The following PHKA1 variants were observed in gnomAD, a reference collection of about 807,000 sequenced individuals.
PHKA1 encodes the protein phosphorylase kinase regulatory subunit alpha 1.
Under a neutral mutation model 110.2 loss-of-function variants are expected in PHKA1, and 60 were observed. The ratio of observed to expected loss-of-function variants is 0.54; its 90% CI spans 0.44 to 0.68. The LOEUF (loss-of-function observed/expected upper bound fraction) is 0.68, where lower values mean the gene tolerates loss of function less well. PHKA1 is among the 30% of genes least tolerant of loss of function. The pLI, the probability that PHKA1 is intolerant of heterozygous loss-of-function variation, is 0.00. For missense variants in PHKA1, 801 were observed against 942.5 expected (o/e 0.85, Z 1.97); for synonymous variants, 316 against 333.6 (o/e 0.95, Z 0.58).
chrX:72,697,813 T>G (rs1261129419), intron 3 of PHKA1, among the ~76,000 whole-genome samples: 1 of 108,563 alleles, frequency 9.2e-6, no homozygotes, highest in African/African-American at 3.4e-5. Flanking sequence ...TGAAACCCTG[T>G]CTCTACTAAA....
chrX:72,636,465 T>G lies in PHKA1; in HGVS notation c.1460-79A>C, dbSNP rs1052757804. The G allele has an allele frequency of 7.2e-5, 39 of 538,961 alleles. No individual in the cohort carries two copies. The South Asian group carries it at 9.3e-4, about 13-fold the overall frequency. The allele number at this position is 538,961 out of a possible 1,213,427, so 44.4% of individuals were successfully genotyped here. ...GCAAACATTTTTACATATATATATA[T>G]ACACACACATACACAATGTATGTAT... On this transcript the variant is annotated intron_variant, in intron 14 of 31. Coordinates refer to ENST00000373542, the MANE Select transcript of PHKA1 (RefSeq NM_002637.4).
chrX:72,602,091 GTC>G (rs2052664921), intron 27 of PHKA1, 62 bp from the exon 28 acceptor site: 1 of 1,095,934 alleles, frequency 9.1e-7, no homozygotes, highest in Non-Finnish European at 1.3e-6. Flanking sequence ...ACCCAACAAA[GTC>G]TGATTCCAAA....
intron 13 of PHKA1, among the ~76,000 whole-genome samples, chrX:72,645,097 C>T (rs2053345235): frequency 9.0e-6 from 1 of 111,720 alleles, no homozygotes; most frequent in African/African-American, 3.3e-5. Flanking sequence ...GCCTGGACAG[C>T]TCTCTTTTCT....
intron 4 of PHKA1, among the ~76,000 whole-genome samples, chrX:72,694,738 C>G (rs2054086215): frequency 8.9e-6 from 1 of 111,743 alleles, no homozygotes; most frequent in South Asian, 3.7e-4. Flanking sequence ...CTATAAGCCT[C>G]TTTGATACAT....
At chrX:72,612,177 C>T (rs782517610) in intron 21 of PHKA1, among the ~76,000 whole-genome samples, 8 of 111,784 alleles carry the variant, frequency 7.2e-5, no homozygotes, top group African/African-American at 2.6e-4. Flanking sequence ...TGTTACAACA[C>T]GGATGAATCT....
In PHKA1 at chrX:72,695,923, C is replaced by T. The variant is rs78955646; in HGVS notation, c.286-47G>A. On this transcript the variant is annotated intron_variant, in intron 3 of 31. Transcript: ENST00000373542. Reference sequence around the variant, plus strand: ...AAAGAAGGATATACTGAAAAATCAACCCATATGCCACACTTCTGTAATACT... The same window carrying T: ...AAAGAAGGATATACTGAAAAATCAATCCATATGCCACACTTCTGTAATACT... The T allele has an allele frequency of 4.4e-3, 4,502 of 1,016,533 alleles. 13 individuals carry two copies. The highest frequency in any genetic ancestry group is 5.6e-3 in the Non-Finnish European group (4,037 of 718,879). 83.8% of individuals were successfully genotyped at this position (1,016,533 alleles called of 1,213,427 possible).
At chrX:72,678,581 G>A (rs1001641982) in intron 5 of PHKA1, among the ~76,000 whole-genome samples, 10 of 111,600 alleles carry the variant, frequency 9.0e-5, no homozygotes, top group Admixed American at 6.6e-4. Context: ...CCTAACTTCC[G>A]CACTGAACCA....
chrX:72,662,275 T>G (rs2053569390), intron 8 of PHKA1, among the ~76,000 whole-genome samples: 2 of 111,703 alleles, frequency 1.8e-5, no homozygotes, highest in African/African-American at 6.5e-5. Flanking sequence ...AGTGCAGTAG[T>G]TGGCCCCCCT....
rs1556257140 is a variant in PHKA1, at chrX:72,609,662, T to C, written c.2568A>G (p.Val856=). The C allele has an allele frequency of 7.5e-6, 9 of 1,204,983 alleles. No individual in the cohort carries two copies. Among genetic ancestry groups the C allele is most frequent in the Admixed American group, 2.2e-5 (1 of 45,711 alleles). The change falls in exon 23 of 32, where the codon GTA becomes GTG. Residue 856 remains valine, a synonymous_variant. Transcript: ENST00000373542. ...DLLSHQKHLT[V]GLPPEPREKT... is the part of the protein sequence containing the mutation. ...TTTCTCGAGGTTCTGGAGGAAGTCC[T>C]ACTGTCAAATGTTTCTGGTGGGAGA...
intron 3 of PHKA1, among the ~76,000 whole-genome samples, chrX:72,702,132 G>A (rs1434187549): frequency 1.8e-5 from 2 of 111,166 alleles, no homozygotes; most frequent in Non-Finnish European, 3.8e-5. Flanking sequence ...ACTGAAGCCA[G>A]ACAACTCAAA....
chrX:72,694,708 T>C (rs1016277651), intron 4 of PHKA1, among the ~76,000 whole-genome samples: 4 of 112,161 alleles, frequency 3.6e-5, no homozygotes, highest in Non-Finnish European at 1.9e-5. Flanking sequence ...AAACATTTGT[T>C]GAATGAATGG....
chrX:72,598,740 T>C (rs1485831026), intron 28 of PHKA1, among the ~76,000 whole-genome samples: 1 of 112,015 alleles, frequency 8.9e-6, no homozygotes, highest in Non-Finnish European at 1.9e-5. Context: ...AAGTAAAGGA[T>C]AAAATACATT....
chrX:72,712,312 A>C (rs2054396158), intron 2 of PHKA1: 1 of 128,547 alleles, frequency 7.8e-6, no homozygotes, highest in African/African-American at 3.2e-5. Flanking sequence ...CACAGCTATA[A>C]AAATCAACAG....
At chrX:72,628,654 A>C (rs2053123467) in intron 16 of PHKA1, among the ~76,000 whole-genome samples, 1 of 105,292 alleles carries the variant, frequency 9.5e-6, no homozygotes, top group Non-Finnish European at 1.9e-5. Context: ...CAGTGGTGCA[A>C]TCTCGGCTCA....
chrX:72,705,025 A>G (rs1164697639), intron 3 of PHKA1, among the ~76,000 whole-genome samples, 173 bp downstream of exon 3: 2 of 112,513 alleles, frequency 1.8e-5, no homozygotes, highest in Non-Finnish European at 3.8e-5. Context: ...AGTGGTAATT[A>G]CATTGTGAGA....
intron 28 of PHKA1, among the ~76,000 whole-genome samples, chrX:72,595,141 A>G (rs190242648): frequency 6.4e-4 from 72 of 112,374 alleles, no homozygotes; most frequent in African/African-American, 2.3e-3. Context: ...TTAACATCTG[A>G]ACATCAATTA....
chrX:72,698,587 G>T (rs2054160672), intron 3 of PHKA1, among the ~76,000 whole-genome samples: 1 of 112,331 alleles, frequency 8.9e-6, no homozygotes, highest in Non-Finnish European at 1.9e-5. Flanking sequence ...AAAACAGAAC[G>T]ATTCTTTGCT....
chrX:72,687,656 T>TTGTG (rs1277873533), intron 4 of PHKA1, among the ~76,000 whole-genome samples: 1 of 110,416 alleles, frequency 9.1e-6, no homozygotes, highest in African/African-American at 3.3e-5. Context: ...GTGTGTGTGT[T>TTGTG]TGTGTGTGTG....
intron 5 of PHKA1, among the ~76,000 whole-genome samples, chrX:72,680,857 G>A (rs2053846134): frequency 1.3e-5 from 1 of 76,262 alleles, no homozygotes; most frequent in African/African-American, 5.4e-5. Flanking sequence ...CTGGAGGAGC[G>A]GACGGGCCCC....
Sources: allele counts gnomAD v4.1 joint callset (sites outside exome capture counted in the v4.1 genomes callset), GRCh38; gene constraint gnomAD v4.1.1; transcripts MANE v1.5; gene names NCBI Gene and HGNC (gene_info 2026-07-23, HGNC 2026-07-21).